Variants in PARD3B observed in about 807,000 individuals in gnomAD.
The protein encoded by PARD3B is partitioning defective 3 homolog B.
Under a neutral mutation model 130.2 loss-of-function variants are expected in PARD3B, and 103 were observed. That is an observed-to-expected ratio of 0.79 (90% CI 0.67 to 0.93). The LOEUF (loss-of-function observed/expected upper bound fraction) is 0.93, where lower values mean the gene tolerates loss of function less well. PARD3B is among the 40% of genes least tolerant of loss of function. The pLI is 0.00. For missense variants in PARD3B, 1,609 were observed against 1,499.2 expected (o/e 1.07, Z -1.21); for synonymous variants, 583 against 553.2 (o/e 1.05, Z -0.76).
At position 204,820,573 on chromosome 2, in the gene PARD3B, G is replaced by A. The variant is rs182890934; in HGVS notation, c.222+134291G>A. Among the ~76,000 whole-genome samples the A allele has an allele frequency of 8.7e-4, 133 of 152,012 alleles. 1 individual carries two copies. Among genetic ancestry groups the A allele is most frequent in the African/African-American group, 3.0e-3 (124 of 41,486 alleles). On this transcript the variant is annotated intron_variant, in intron 2 of 22. Coordinates refer to ENST00000406610, the MANE Select transcript of PARD3B (RefSeq NM_001302769.2). Reference sequence around the variant, plus strand: ...CTTACACCTGTAATCCCAGCACTTTGGGGGGCTGAGGCAGGCAGATCACTT... The same window carrying A: ...CTTACACCTGTAATCCCAGCACTTTAGGGGGCTGAGGCAGGCAGATCACTT...
At chr2:205,101,256 A>C (rs1251167883) in intron 4 of PARD3B, among the ~76,000 whole-genome samples, 1 of 152,208 alleles carries the variant, frequency 6.6e-6, no homozygotes, top group Admixed American at 6.5e-5. Flanking sequence ...CTACAATGAC[A>C]TATCACTTTA....
intron 22 of PARD3B, among the ~76,000 whole-genome samples, chr2:205,573,037 C>A (rs12998516): frequency 0.18 from 27,457 of 151,964 alleles, 3,174 homozygotes; most frequent in Admixed American, 0.35. Context: ...AAGTGAAGAG[C>A]GAAGCAGGAG....
At chr2:204,949,376 G>A (rs1689586009) in intron 2 of PARD3B, among the ~76,000 whole-genome samples, 1 of 151,818 alleles carries the variant, frequency 6.6e-6, no homozygotes. Context: ...AGAGTCCAGT[G>A]GCACAAACAC....
intron 2 of PARD3B, among the ~76,000 whole-genome samples, chr2:204,699,930 A>G (rs2037812259): frequency 6.6e-6 from 1 of 152,156 alleles, no homozygotes; most frequent in Non-Finnish European, 1.5e-5. Context: ...TGGCCAAGTT[A>G]ATTTTAAACC....
intron 2 of PARD3B, among the ~76,000 whole-genome samples, chr2:204,931,247 T>C (rs1248773749): frequency 6.6e-6 from 1 of 152,134 alleles, no homozygotes; most frequent in Non-Finnish European, 1.5e-5. Context: ...TTGAGCTCAG[T>C]CAAATTTCTT....
At chr2:204,965,025 A>G (rs1294663616) in intron 2 of PARD3B, 127 bp from the exon 3 acceptor site, 1 of 741,900 alleles carries the variant, frequency 1.3e-6, no homozygotes, top group Non-Finnish European at 2.1e-6. Context: ...TGGTATAGTA[A>G]CATTAACATT....
rs755666465 is a variant in PARD3B at position 205,104,504 on chromosome 2, G to C, written c.583G>C (p.Asp195His). ...ACTACTAACTTCGCCAAGAACTAAG[G>C]ACACATTGAGGTATTCTCTTTATAC... ...TELLTSPRTK[D>H]TLSDMTRTVE... Residue 195 changes from aspartate to histidine, a missense_variant, in exon 5 of 23, where the codon GAC becomes CAC. Coordinates refer to ENST00000406610, the MANE Select transcript of PARD3B (RefSeq NM_001302769.2). 6.5e-7 allele frequency: 1 copy of C among 1,544,814 alleles called. No individual in the cohort carries two copies. Among genetic ancestry groups the C allele is most frequent in the Non-Finnish European group, 8.9e-7 (1 of 1,117,394 alleles).
At chr2:205,521,791 A>G (rs2051071170) in intron 21 of PARD3B, among the ~76,000 whole-genome samples, 1 of 152,086 alleles carries the variant, frequency 6.6e-6, no homozygotes, top group South Asian at 2.1e-4. Context: ...TTTTATACAG[A>G]AGGGTTACAT....
chr2:204,625,941 A>C (rs896210905), intron 1 of PARD3B, among the ~76,000 whole-genome samples: 17 of 152,156 alleles, frequency 1.1e-4, no homozygotes, highest in African/African-American at 4.1e-4. Context: ...TGGTTCACTT[A>C]GATGTATAGG....
At chr2:204,546,256 G>A (rs1289002803) in intron 1 of PARD3B, 137 bp downstream of exon 1, 2 of 1,253,912 alleles carry the variant, frequency 1.6e-6, no homozygotes, top group Admixed American at 2.2e-5. Context: ...GTTGTCTATT[G>A]CTAATATCAG....
intron 16 of PARD3B, among the ~76,000 whole-genome samples, chr2:205,255,871 A>G (rs969255382): frequency 1.3e-5 from 2 of 152,060 alleles, no homozygotes; most frequent in Admixed American, 1.3e-4. Context: ...GGCTTCCGTA[A>G]GTAGGTAGGA....
chr2:205,285,991 CA>C (rs1171157904), intron 16 of PARD3B, among the ~76,000 whole-genome samples: 1 of 152,110 alleles, frequency 6.6e-6, no homozygotes, highest in African/African-American at 2.4e-5. Flanking sequence ...ATTTTTTGTA[CA>C]TACATAATTT....
intron 2 of PARD3B, among the ~76,000 whole-genome samples, chr2:204,794,822 AC>A (rs1334821888): frequency 5.9e-5 from 9 of 152,214 alleles, no homozygotes; most frequent in Non-Finnish European, 1.2e-4. Context: ...ATATTGCGAC[AC>A]TGAGTTCTAT....
intron 5 of PARD3B, among the ~76,000 whole-genome samples, chr2:205,107,536 C>T (rs970366806): frequency 6.6e-6 from 1 of 152,182 alleles, no homozygotes; most frequent in Admixed American, 6.5e-5. Flanking sequence ...CATTTTTACA[C>T]AGATTGTAGT....
chr2:204,995,243 G>C (rs1459608539), intron 3 of PARD3B, among the ~76,000 whole-genome samples: 1 of 151,994 alleles, frequency 6.6e-6, no homozygotes, highest in African/African-American at 2.4e-5. Context: ...CATGTTTAGC[G>C]CTTCCTTCAG....
intron 2 of PARD3B, among the ~76,000 whole-genome samples, chr2:204,919,645 A>G (rs536909122): frequency 6.6e-6 from 1 of 152,180 alleles, no homozygotes; most frequent in Non-Finnish European, 1.5e-5. Context: ...CTTCCTCCTG[A>G]TAATGGACAT....
At chr2:204,833,045 A>G (rs1206898916) in intron 2 of PARD3B, among the ~76,000 whole-genome samples, 1 of 152,208 alleles carries the variant, frequency 6.6e-6, no homozygotes. Context: ...GAAAATTTAT[A>G]ACATTGAAAA....
intron 2 of PARD3B, among the ~76,000 whole-genome samples, chr2:204,876,782 G>T (rs748268483): frequency 6.6e-6 from 1 of 152,018 alleles, no homozygotes; most frequent in Non-Finnish European, 1.5e-5. Context: ...GCTTTATATT[G>T]TCTGACGTCT....
chr2:205,455,726 A>G (rs1427562779), intron 20 of PARD3B, among the ~76,000 whole-genome samples: 1 of 152,028 alleles, frequency 6.6e-6, no homozygotes, highest in East Asian at 1.9e-4. Flanking sequence ...AATATTGAGA[A>G]GTTCCTTGTA....
Sources: allele counts gnomAD v4.1 joint callset (sites outside exome capture counted in the v4.1 genomes callset), GRCh38; gene constraint gnomAD v4.1.1; transcripts MANE v1.5; gene names NCBI Gene and HGNC (gene_info 2026-07-23, HGNC 2026-07-21).